USH2A: variants seen among roughly 807,000 people sequenced by gnomAD.
The protein encoded by USH2A is Usher syndrome 2A (autosomal recessive, mild).
A neutral mutation model predicts 538.9 loss-of-function variants in USH2A; 443 were observed. That is an observed-to-expected ratio of 0.82 (90% CI 0.76 to 0.89). USH2A has a LOEUF of 0.89. USH2A is among the 40% of genes least tolerant of loss of function. The pLI, the probability that USH2A is intolerant of heterozygous loss-of-function variation, is 0.00. For synonymous variants in USH2A, 2,413 were observed against 2,273.5 expected (o/e 1.06, Z -1.75); for missense variants, 6,633 against 6,324.8 (o/e 1.05, Z -1.65).
intron 16 of USH2A, among the ~76,000 whole-genome samples, chr1:216,204,997 T>A (rs558708057): frequency 2.0e-5 from 3 of 152,320 alleles, no homozygotes; most frequent in African/African-American, 7.2e-5. Flanking sequence ...AAGAAAATGT[T>A]ATTTGGATTC....
intron 35 of USH2A, among the ~76,000 whole-genome samples, chr1:215,972,109 C>CCTACAAA (rs968667688): frequency 1.3e-5 from 2 of 152,166 alleles, no homozygotes; most frequent in African/African-American, 4.8e-5. Context: ...TACGGCTGAA[C>CCTACAAA]CTACAAACTA....
chr1:216,209,271 T>C (rs563700170), intron 15 of USH2A, among the ~76,000 whole-genome samples: 1 of 152,304 alleles, frequency 6.6e-6, no homozygotes, highest in South Asian at 2.1e-4. Context: ...AGGCTGCTTC[T>C]ACATGGACAC....
chr1:215,949,104 A>C (rs1666846502), intron 37 of USH2A, among the ~76,000 whole-genome samples: 1 of 152,074 alleles, frequency 6.6e-6, no homozygotes, highest in South Asian at 2.1e-4. Context: ...GAGATTTATA[A>C]ATATTTTTAA....
At chr1:216,035,497 A>G (rs2029891123) in intron 32 of USH2A, among the ~76,000 whole-genome samples, 1 of 151,868 alleles carries the variant, frequency 6.6e-6, no homozygotes, top group African/African-American at 2.4e-5. Context: ...TTGATCTGGG[A>G]CTCCCTGTCT....
chr1:216,287,536 T>G (rs1214768462), intron 11 of USH2A, among the ~76,000 whole-genome samples: 1 of 152,128 alleles, frequency 6.6e-6, no homozygotes, highest in African/African-American at 2.4e-5. Context: ...GTGGCCTTTT[T>G]TTTTTCTTAG....
chr1:215,674,995 G>A lies in USH2A; in HGVS notation c.12916C>T (p.Leu4306Phe), dbSNP rs1284103307. The A allele has an allele frequency of 3.7e-6, 6 of 1,614,174 alleles. No homozygotes were observed. In the South Asian group the frequency reaches 5.5e-5, roughly 15 times the overall value. The part of the protein sequence containing the change: ...QSYRLQRNEM[L>F]YPFSFDPVTF... Reference sequence around the variant, plus strand: ...ACAGGATCAAAGCTAAAAGGATAGAGCATTTCATTCCTTTGAAGCCTATAG... The same window carrying A: ...ACAGGATCAAAGCTAAAAGGATAGAACATTTCATTCCTTTGAAGCCTATAG... Residue 4306 changes from leucine (L) to phenylalanine (F), a missense_variant, in exon 63 of 72, where the codon CTC (leucine) becomes TTC (phenylalanine). Leu to Phe is a conservative substitution (Grantham distance 22). Coordinates refer to ENST00000307340, the MANE Select transcript of USH2A (RefSeq NM_206933.4).
intron 30 of USH2A, among the ~76,000 whole-genome samples, chr1:216,059,765 G>C (rs140556243): frequency 9.8e-4 from 149 of 152,088 alleles, no homozygotes; most frequent in African/African-American, 3.2e-3. Flanking sequence ...TTATTTTACT[G>C]TTTTTTCTTT....
chr1:216,094,545 C>T (rs1236008272), intron 22 of USH2A, among the ~76,000 whole-genome samples: 1 of 152,102 alleles, frequency 6.6e-6, no homozygotes, highest in African/African-American at 2.4e-5. Context: ...GAGTTCTAGT[C>T]ACTCTATCAT....
chr1:215,625,715 G>T lies in USH2A; in HGVS notation c.*66C>A. 7.0e-7 allele frequency: 1 copy of T among 1,430,498 alleles called. No individual in the cohort carries two copies. The highest frequency in any genetic ancestry group is 1.1e-5 in the South Asian group (1 of 87,162). The allele number at this position is 1,430,498 out of a possible 1,614,324, so 88.6% of individuals were successfully genotyped here. On this transcript the variant is annotated 3_prime_UTR_variant, in exon 72 of 72. Transcript: ENST00000307340. ...TTTTCAGCATTTATGATGTGTGAGT[G>T]ATAACCCAGGAGGAAATGGGTGCAG...
At position 215,680,276 on chromosome 1, in the gene USH2A, CAAGGGCTT is replaced by C; in HGVS notation, c.12159_12166del (p.Ser4054AspfsTer42). The C allele has an allele frequency of 2.5e-6, 4 of 1,614,104 alleles. No homozygotes were observed. Among genetic ancestry groups the C allele is most frequent in the Non-Finnish European group, 3.4e-6 (4 of 1,180,002 alleles). Reference sequence around the variant, plus strand: ...AGATTCTAAGGTTTGAATCAGAGTCCAAGGGCTTAAAATTTCTCCTGCATGGTTTGCAG... The same window carrying C: ...AGATTCTAAGGTTTGAATCAGAGTCCAAAATTTCTCCTGCATGGTTTGCAG... On this transcript the variant is annotated frameshift_variant, in exon 62 of 72. Coordinates refer to ENST00000307340, the MANE Select transcript of USH2A (RefSeq NM_206933.4). LOFTEE classifies it high-confidence loss of function.
chr1:215,947,776 AG>A (rs1354260788), intron 37 of USH2A, among the ~76,000 whole-genome samples: 1 of 152,232 alleles, frequency 6.6e-6, no homozygotes, highest in East Asian at 1.9e-4. Flanking sequence ...GGCATAAAAA[AG>A]CTTTTAAAAA....
chr1:216,019,896 C>CA (rs1292883783), intron 32 of USH2A, among the ~76,000 whole-genome samples: 1 of 151,986 alleles, frequency 6.6e-6, no homozygotes, highest in African/African-American at 2.4e-5. Flanking sequence ...TACCTACTTG[C>CA]AAAAAACACA....
chr1:216,028,372 G>A (rs1669018245), intron 32 of USH2A, among the ~76,000 whole-genome samples: 1 of 151,822 alleles, frequency 6.6e-6, no homozygotes, highest in Non-Finnish European at 1.5e-5. Context: ...GGGCGACAGA[G>A]TGAGACCCTG....
At chr1:215,796,026 T>TG (rs1558101969) in intron 50 of USH2A, among the ~76,000 whole-genome samples, 20 of 151,838 alleles carry the variant, frequency 1.3e-4, no homozygotes, top group African/African-American at 4.6e-4. Flanking sequence ...AAATAAAAAA[T>TG]AGAAGAATGA....
chr1:216,408,430 C>A (rs189693851), intron 3 of USH2A, among the ~76,000 whole-genome samples: 3 of 152,172 alleles, frequency 2.0e-5, no homozygotes, highest in African/African-American at 4.8e-5. Flanking sequence ...ATTACTGAAC[C>A]CAATATATGC....
At chr1:216,289,460 G>C (rs1243588980) in intron 10 of USH2A, 50 bp from the exon 11 acceptor site, 1 of 1,611,474 alleles carries the variant, frequency 6.2e-7, no homozygotes, top group Admixed American at 1.7e-5. Context: ...ATTAAAATCA[G>C]CTGCATAATT....
intron 40 of USH2A, among the ~76,000 whole-genome samples, chr1:215,895,526 C>T (rs907763122): frequency 2.0e-5 from 3 of 152,180 alleles, no homozygotes; most frequent in Non-Finnish European, 2.9e-5. Context: ...ATTGACCTCA[C>T]ATTGCCTTTC....
chr1:216,418,371 TTTC>T, intron 3 of USH2A, 140 bp downstream of exon 3: 1 of 890,664 alleles, frequency 1.1e-6, no homozygotes, highest in East Asian at 2.6e-5. Context: ...TTTAAATATT[TTTC>T]TTCTTTAGTT....
chr1:216,286,142 T>C (rs1365894241), intron 11 of USH2A, among the ~76,000 whole-genome samples: 1 of 152,114 alleles, frequency 6.6e-6, no homozygotes, highest in Non-Finnish European at 1.5e-5. Flanking sequence ...AAGTGTGAGT[T>C]TGGCTGTGTC....
Sources: allele counts gnomAD v4.1 joint callset (sites outside exome capture counted in the v4.1 genomes callset), GRCh38; gene constraint gnomAD v4.1.1; transcripts MANE v1.5; gene names NCBI Gene and HGNC (gene_info 2026-07-23, HGNC 2026-07-21).